The following CCDC102B variants were observed in gnomAD, a reference collection of about 807,000 sequenced individuals.
CCDC102B encodes coiled-coil domain-containing protein 102B.
Under a neutral mutation model 57.4 loss-of-function variants are expected in CCDC102B, and 75 were observed. The observed-to-expected ratio is 1.31, with a 90% CI of 1.08 to 1.58. The LOEUF (loss-of-function observed/expected upper bound fraction) is 1.58, where lower values mean the gene tolerates loss of function less well. CCDC102B is among the 40% of genes most tolerant of loss of function. The pLI is 0.00. For missense variants in CCDC102B, 636 were observed against 582.6 expected, an observed-to-expected ratio of 1.09 and a Z score of -0.94; for synonymous variants, 206 against 201.9, an observed-to-expected ratio of 1.02 and a Z score of -0.17.
intron 6 of CCDC102B, among the ~76,000 whole-genome samples, chr18:68,976,036 G>A (rs2050428180): frequency 6.6e-6 from 1 of 151,904 alleles, no homozygotes; most frequent in Admixed American, 6.6e-5. Context: ...AAGAGATATT[G>A]CTTACAGAAA....
At chr18:68,883,430 G>A (rs1029653479) in intron 5 of CCDC102B, among the ~76,000 whole-genome samples, 3 of 152,052 alleles carry the variant, frequency 2.0e-5, no homozygotes, top group Non-Finnish European at 2.9e-5. Flanking sequence ...AAATGTATAT[G>A]TATAAAAAGA....
chr18:68,781,083 C>T (rs1407146446), intron 2 of CCDC102B, among the ~76,000 whole-genome samples: 2 of 151,922 alleles, frequency 1.3e-5, no homozygotes, highest in Non-Finnish European at 2.9e-5. Flanking sequence ...TTGTATGTAT[C>T]ATCTGTAATT....
At chr18:68,724,353 T>G (rs2032497393) in intron 2 of CCDC102B, among the ~76,000 whole-genome samples, 1 of 152,218 alleles carries the variant, frequency 6.6e-6, no homozygotes, top group African/African-American at 2.4e-5. Context: ...TTATGCAAAT[T>G]TCTGCAGCTT....
intron 5 of CCDC102B, among the ~76,000 whole-genome samples, chr18:68,875,514 T>C (rs912127530): frequency 8.5e-5 from 13 of 152,138 alleles, no homozygotes; most frequent in African/African-American, 3.1e-4. Context: ...TGAAATGAAT[T>C]TAATGCAACT....
At chr18:68,886,973 C>CCAT (rs144308320) in intron 5 of CCDC102B, among the ~76,000 whole-genome samples, 40,097 of 151,836 alleles carry the variant, frequency 0.26, 6,186 homozygotes, top group Non-Finnish European at 0.35. Context: ...ACTTATGAGG[C>CCAT]AATCCCATAA....
chr18:68,796,820 A>C (rs1306030226), upstream of CCDC102B, among the ~76,000 whole-genome samples: 1 of 142,962 alleles, frequency 7.0e-6, no homozygotes, highest in Admixed American at 7.4e-5. Flanking sequence ...AATTAAAAAT[A>C]AATAGAATAT....
At chr18:68,946,207 A>G (rs537402703) in intron 6 of CCDC102B, among the ~76,000 whole-genome samples, 1 of 152,188 alleles carries the variant, frequency 6.6e-6, no homozygotes, top group African/African-American at 2.4e-5. Context: ...CTTTTTCTGT[A>G]CAAATTATCT....
At chr18:68,922,854 A>T (rs1249401602) in intron 6 of CCDC102B, among the ~76,000 whole-genome samples, 1 of 152,082 alleles carries the variant, frequency 6.6e-6, no homozygotes, top group Non-Finnish European at 1.5e-5. Context: ...AGCTGCTCAT[A>T]CTTGCTATGT....
chr18:68,748,968 G>GT (rs2033737625), intron 2 of CCDC102B, among the ~76,000 whole-genome samples: 1 of 152,144 alleles, frequency 6.6e-6, no homozygotes. Context: ...TGTAAGGAAG[G>GT]GATCCAGTTT....
At chr18:68,905,663 A>T (rs1359941659) in intron 6 of CCDC102B, among the ~76,000 whole-genome samples, 2 of 151,598 alleles carry the variant, frequency 1.3e-5, no homozygotes, top group Non-Finnish European at 2.9e-5. Context: ...TGATGCAGTA[A>T]CTCCTCATTC....
intron 6 of CCDC102B, among the ~76,000 whole-genome samples, chr18:68,941,909 A>C (rs1179421323): frequency 1.3e-5 from 2 of 152,054 alleles, no homozygotes; most frequent in Non-Finnish European, 2.9e-5. Context: ...GGCATCAAAT[A>C]GTTTGGTTTC....
At chr18:68,856,772 T>C (rs1262032348) in intron 4 of CCDC102B, among the ~76,000 whole-genome samples, 1 of 151,924 alleles carries the variant, frequency 6.6e-6, no homozygotes, top group Admixed American at 6.6e-5. Context: ...TGTTTCTACA[T>C]GGCATTTTCC....
At chr18:68,959,391 C>A (rs554197427) in intron 6 of CCDC102B, among the ~76,000 whole-genome samples, 1 of 152,106 alleles carries the variant, frequency 6.6e-6, no homozygotes. Flanking sequence ...CTTGGAGCTG[C>A]AGGTGGGGTA....
chr18:68,830,422 A>T (rs8086845), intron 1 of CCDC102B, among the ~76,000 whole-genome samples: 1 of 151,884 alleles, frequency 6.6e-6, no homozygotes, highest in Non-Finnish European at 1.5e-5. Context: ...TTAAGGTCTC[A>T]AGAAATATTT....
intron 6 of CCDC102B, among the ~76,000 whole-genome samples, chr18:68,924,570 A>T (rs1167148155): frequency 6.6e-6 from 1 of 152,036 alleles, no homozygotes; most frequent in Non-Finnish European, 1.5e-5. Context: ...GGACTAATAA[A>T]CACCCATTTA....
chr18:69,002,101 T>G (rs552228086), intron 6 of CCDC102B, among the ~76,000 whole-genome samples: 1 of 152,270 alleles, frequency 6.6e-6, no homozygotes, highest in East Asian at 1.9e-4. Context: ...TAGTAAATTT[T>G]TTTCACACTC....
chr18:69,012,037 C>A (rs1465234079), intron 7 of CCDC102B, among the ~76,000 whole-genome samples: 2 of 152,114 alleles, frequency 1.3e-5, no homozygotes, highest in Non-Finnish European at 2.9e-5. Flanking sequence ...GAGGCTCACA[C>A]ACTGTCCTCT....
rs371650528 is a variant in CCDC102B at position 68,771,717 on chromosome 18, C to T, written c.-66-51649C>T. Reference sequence around the variant, plus strand: ...CTGCTAACAGAATATCAATTTTCAACTGCAATGTGACTGAGTTGCCTTGAA... The same window carrying T: ...CTGCTAACAGAATATCAATTTTCAATTGCAATGTGACTGAGTTGCCTTGAA... On this transcript the variant is annotated intron_variant, in intron 2 of 3. Coordinates refer to the CCDC102B transcript ENST00000578970. 3.3e-5 allele frequency among the ~76,000 whole-genome samples: 5 copies of T among 152,150 alleles called. No individual in the cohort carries two copies. The East Asian group carries it at 9.6e-4, about 29-fold the overall frequency.
chr18:68,986,432 A>C (rs888597671), intron 6 of CCDC102B, among the ~76,000 whole-genome samples: 4 of 152,224 alleles, frequency 2.6e-5, no homozygotes, highest in African/African-American at 9.6e-5. Context: ...AGCTTTTGAT[A>C]GAATCCAACA....
Sources: gnomAD v4.1 joint callset for allele counts (sites outside exome capture counted in the v4.1 genomes callset) on GRCh38, gnomAD v4.1.1 for gene constraint, MANE v1.5 for transcripts, NCBI Gene and HGNC (gene_info 2026-07-23, HGNC 2026-07-21) for gene names.